SCFD2: variants seen among roughly 807,000 people sequenced by gnomAD.
SCFD2 encodes sec1 family domain containing 2, also known as sec1 family domain-containing protein 2.
A neutral mutation model predicts 58.9 loss-of-function variants in SCFD2; 54 were observed. That is an observed-to-expected ratio of 0.92 (90% CI 0.74 to 1.15). The LOEUF (loss-of-function observed/expected upper bound fraction) is 1.15. Ranked by LOEUF, SCFD2 falls within the 50% of genes most tolerant of loss-of-function variation. SCFD2 has a pLI of 0.00. For missense variants in SCFD2, 805 were observed against 836.6 expected, an observed-to-expected ratio of 0.96 and a Z score of 0.47; for synonymous variants, 321 against 335.9, an observed-to-expected ratio of 0.96 and a Z score of 0.49.
intron 5 of SCFD2, among the ~76,000 whole-genome samples, chr4:53,024,295 C>G (rs527421419): frequency 6.6e-6 from 1 of 152,168 alleles, no homozygotes; most frequent in Non-Finnish European, 1.5e-5. Context: ...TTATTTAACT[C>G]AAACTGGCTA....
intron 3 of SCFD2, among the ~76,000 whole-genome samples, chr4:53,294,911 C>T (rs1185299118): frequency 6.6e-6 from 1 of 152,130 alleles, no homozygotes; most frequent in Non-Finnish European, 1.5e-5. Flanking sequence ...TTCCCCATTG[C>T]TTGTTTTTGT....
intron 5 of SCFD2, among the ~76,000 whole-genome samples, chr4:52,932,753 A>G (rs1720029250): frequency 6.6e-6 from 1 of 151,964 alleles, no homozygotes; most frequent in Non-Finnish European, 1.5e-5. Flanking sequence ...CCCTCCCCCA[A>G]CACACACACA....
At chr4:53,292,476 G>A (rs756951397) in intron 3 of SCFD2, among the ~76,000 whole-genome samples, 1 of 152,156 alleles carries the variant, frequency 6.6e-6, no homozygotes, top group Non-Finnish European at 1.5e-5. Context: ...GATTATTAGA[G>A]GAATGCAAAT....
chr4:53,084,077 C>A (rs1577713814), intron 5 of SCFD2, among the ~76,000 whole-genome samples: 2 of 152,126 alleles, frequency 1.3e-5, no homozygotes, highest in East Asian at 3.9e-4. Flanking sequence ...GAGAACAGGT[C>A]TGACCACAAA....
chr4:53,273,771 C>A, intron 4 of SCFD2, 55 bp downstream of exon 4: 1 of 1,453,672 alleles, frequency 6.9e-7, no homozygotes. Flanking sequence ...AGGTTTTTCT[C>A]TGGAAGTCAA....
At chr4:53,224,222 C>T (rs1316832475) in intron 4 of SCFD2, among the ~76,000 whole-genome samples, 1 of 151,988 alleles carries the variant, frequency 6.6e-6, no homozygotes, top group Non-Finnish European at 1.5e-5. Flanking sequence ...AACCCCATGT[C>T]TACTAAAAAT....
intron 5 of SCFD2, among the ~76,000 whole-genome samples, chr4:53,004,900 T>C (rs1220962129): frequency 1.3e-5 from 2 of 152,056 alleles, no homozygotes; most frequent in Non-Finnish European, 1.5e-5. Context: ...CAGAAATTTC[T>C]ATTCTTTATT....
intron 5 of SCFD2, among the ~76,000 whole-genome samples, chr4:53,096,675 T>C (rs763949521): frequency 6.6e-6 from 1 of 152,256 alleles, no homozygotes; most frequent in Non-Finnish European, 1.5e-5. Flanking sequence ...GCCTGTTCAC[T>C]TTGATGATAG....
intron 2 of SCFD2, among the ~76,000 whole-genome samples, chr4:53,337,943 A>G (rs1733734012): frequency 6.6e-6 from 1 of 152,212 alleles, no homozygotes; most frequent in South Asian, 2.1e-4. Context: ...ATGTAATTAC[A>G]ACAGTCCTTA....
intron 4 of SCFD2, among the ~76,000 whole-genome samples, chr4:53,248,962 T>G (rs1730234654): frequency 6.6e-6 from 1 of 152,204 alleles, no homozygotes; most frequent in East Asian, 1.9e-4. Flanking sequence ...GGAGAATGAC[T>G]TTGATGAGTT....
At chr4:53,274,921 A>G (rs898987596) in intron 3 of SCFD2, among the ~76,000 whole-genome samples, 5 of 152,218 alleles carry the variant, frequency 3.3e-5, no homozygotes, top group African/African-American at 4.8e-5. Context: ...CACCCATGCC[A>G]TGTTTGTGGG....
chr4:52,929,788 G>A (rs1719947310), intron 5 of SCFD2, among the ~76,000 whole-genome samples: 1 of 152,038 alleles, frequency 6.6e-6, no homozygotes, highest in African/African-American at 2.4e-5. Flanking sequence ...AAAATACCTA[G>A]GAATCCAACT....
chr4:53,210,515 C>A (rs1264107343), intron 4 of SCFD2, among the ~76,000 whole-genome samples: 1 of 151,936 alleles, frequency 6.6e-6, no homozygotes, highest in African/African-American at 2.4e-5. Flanking sequence ...GAAGGAGAGA[C>A]GAGAATCCAG....
chr4:53,273,958 G>C lies in SCFD2; in HGVS notation c.1179C>G (p.Phe393Leu). Residue 393 changes from phenylalanine to leucine, a missense_variant, in exon 4 of 9, where the codon TTC becomes TTG. Physicochemically the swap from Phe to Leu is conservative, Grantham distance 22. Around this residue, in one of 3 missense-constraint regions of SCFD2, gnomAD observed 633 missense variants for 646.8 expected, o/e 0.98. Transcript: ENST00000401642. The part of the protein sequence containing the change: ...PGQLMSYIQL[F>L]KNNLKALMNH... ...TCATTAGAGCTTTGAGGTTGTTCTT[G>C]AAGAGCTGAATATAGGACATGAGCT... The C allele has an allele frequency of 6.2e-7, 1 of 1,613,742 alleles. No individual in the cohort carries two copies. The highest frequency in any genetic ancestry group is 8.5e-7 in the Non-Finnish European group (1 of 1,179,794).
At chr4:52,919,071 A>G (rs914711987) in intron 6 of SCFD2, among the ~76,000 whole-genome samples, 4 of 152,196 alleles carry the variant, frequency 2.6e-5, no homozygotes, top group Non-Finnish European at 5.9e-5. Context: ...TGGCTGCAAG[A>G]CAGGGTTCTG....
intron 4 of SCFD2, among the ~76,000 whole-genome samples, chr4:53,229,656 A>G (rs1729362089): frequency 6.6e-6 from 1 of 152,312 alleles, no homozygotes; most frequent in African/African-American, 2.4e-5. Flanking sequence ...TAGACCTAAA[A>G]CCAGGAAAAC....
At chr4:53,248,251 C>T (rs111672809) in intron 4 of SCFD2, among the ~76,000 whole-genome samples, 2 of 152,324 alleles carry the variant, frequency 1.3e-5, no homozygotes, top group East Asian at 1.9e-4. Flanking sequence ...AATTATATCC[C>T]GCACCTGGCT....
chr4:53,282,031 T>C (rs1361789485), intron 3 of SCFD2, among the ~76,000 whole-genome samples: 4 of 152,248 alleles, frequency 2.6e-5, no homozygotes, highest in African/African-American at 9.6e-5. Flanking sequence ...AAATAGCATT[T>C]ACAACATCAT....
chr4:53,140,832 A>T (rs1370266129), intron 5 of SCFD2, among the ~76,000 whole-genome samples: 4 of 152,188 alleles, frequency 2.6e-5, no homozygotes, highest in African/African-American at 9.7e-5. Flanking sequence ...TGGGCTACAG[A>T]TCCACAATAC....
Sources: allele counts gnomAD v4.1 joint callset (sites outside exome capture counted in the v4.1 genomes callset), GRCh38; gene constraint gnomAD v4.1.1; regional missense constraint gnomAD v4.1.1; transcripts MANE v1.5; gene names NCBI Gene and HGNC (gene_info 2026-07-23, HGNC 2026-07-21).